Variants in KDM3A observed in about 807,000 individuals in gnomAD.
The protein encoded by KDM3A is lysine demethylase 3A, also known as lysine-specific demethylase 3A.
Under a neutral mutation model 158.0 loss-of-function variants are expected in KDM3A, and 60 were observed. The ratio of observed to expected loss-of-function variants is 0.38; its 90% CI spans 0.31 to 0.47. KDM3A has a LOEUF of 0.47. Among genes scored for constraint, KDM3A ranks in the 20% least tolerant of loss-of-function variants. The pLI, the probability that KDM3A is intolerant of heterozygous loss-of-function variation, is 0.99. For missense variants in KDM3A, 1,319 were observed against 1,574.3 expected (o/e 0.84, Z 2.74); for synonymous variants, 608 against 549.3 (o/e 1.11, Z -1.49).
In KDM3A at chr2:86,466,707, A is replaced by C. The variant is rs1673169036; in HGVS notation, c.1343A>C (p.Asp448Ala). 4 of 1,613,824 alleles carry C rather than the reference A, an allele frequency of 2.5e-6. No homozygotes were observed. In the African/African-American group the frequency reaches 4.0e-5, roughly 16 times the overall value. The part of the protein sequence containing the change: ...KHLEHAPSPS[D>A]VSNAPEVKAG... ...CTAGAACATGCACCTTCCCCATCGGATGTTTCAAATGCACCAGAAGTGAAA... is the reference window on the plus strand; with the variant it reads ...CTAGAACATGCACCTTCCCCATCGGCTGTTTCAAATGCACCAGAAGTGAAA... The change falls in exon 10 of 26, where the codon GAT becomes GCT. Residue 448 changes from aspartate to alanine, a missense_variant. Physicochemically the swap from Asp to Ala is moderately radical, Grantham distance 126. Coordinates refer to ENST00000312912, the MANE Select transcript of KDM3A (RefSeq NM_018433.6).
intron 8 of KDM3A, among the ~76,000 whole-genome samples, chr2:86,459,976 A>G (rs1052727780): frequency 1.3e-5 from 2 of 152,232 alleles, no homozygotes; most frequent in South Asian, 4.1e-4. Flanking sequence ...GTCATTCTAA[A>G]GGAAGTCGAA....
intron 11 of KDM3A, among the ~76,000 whole-genome samples, chr2:86,470,629 ACTT>A (rs1448958124): frequency 6.6e-6 from 1 of 152,132 alleles, no homozygotes; most frequent in Non-Finnish European, 1.5e-5. Flanking sequence ...AAAAATATAA[ACTT>A]CTATTTCAAA....
In KDM3A at chr2:86,456,416, ATTTTTTTTTTT is replaced by A; in HGVS notation, c.557-14_557-4del. ...GGGAGATAATGCAAATTGCTCTAAG[ATTTTTTTTTTT>A]TTTTTTTTTTTAAGGTGACAAAAAC... On this transcript the variant is annotated splice_polypyrimidine_tract_variant and intron_variant, in intron 5 of 25. Coordinates refer to ENST00000312912, the MANE Select transcript of KDM3A (RefSeq NM_018433.6). 2.8e-6 allele frequency: 3 copies of A among 1,057,628 alleles called. No individual in the cohort carries two copies. Among genetic ancestry groups the A allele is most frequent in the Non-Finnish European group, 3.7e-6 (3 of 805,362 alleles). The allele number at this position is 1,057,628 out of a possible 1,614,324, so 65.5% of individuals were successfully genotyped here. A position where few individuals can be genotyped will look rare whatever the true frequency, so the allele number is the denominator to read the frequency against.
chr2:86,453,557 C>A (rs1456720663), intron 4 of KDM3A, among the ~76,000 whole-genome samples: 5 of 152,180 alleles, frequency 3.3e-5, no homozygotes, highest in Admixed American at 2.6e-4. Context: ...CTCTCCTAGG[C>A]AGCCTAATAT....
chr2:86,476,063 TAAGTC>T (rs1573192607), intron 12 of KDM3A, among the ~76,000 whole-genome samples: 3 of 152,278 alleles, frequency 2.0e-5, no homozygotes, highest in East Asian at 3.9e-4. Flanking sequence ...GTGGAGACTC[TAAGTC>T]AAGAGTCTTA....
chr2:86,491,326 T>C (rs1470233853), intron 25 of KDM3A, 51 bp downstream of exon 25: 5 of 1,572,930 alleles, frequency 3.2e-6, no homozygotes, highest in Admixed American at 3.3e-5. Flanking sequence ...TATGGCTTCA[T>C]GGCCCATTCT....
chr2:86,492,171 C>G lies in KDM3A; in HGVS notation c.*52C>G. 1 of 1,351,656 alleles carries G rather than the reference C, an allele frequency of 7.4e-7. No individual in the cohort carries two copies. Among genetic ancestry groups the G allele is most frequent in the Non-Finnish European group, 1.1e-6 (1 of 946,234 alleles). The allele number at this position is 1,351,656 out of a possible 1,614,324, so 83.7% of individuals were successfully genotyped here. A position where few individuals can be genotyped will look rare whatever the true frequency, so the allele number is the denominator to read the frequency against. Reference sequence around the variant, plus strand: ...CAGGCAGCTGTTCAAACTCTTCAGGCAGGATTCCTGTGGACTTTGAGATTC... The same window carrying G: ...CAGGCAGCTGTTCAAACTCTTCAGGGAGGATTCCTGTGGACTTTGAGATTC... On this transcript the variant is annotated 3_prime_UTR_variant, in exon 26 of 26. Transcript: ENST00000312912.
In KDM3A at chr2:86,466,492, A is replaced by G; in HGVS notation, c.1128A>G (p.Gly376=). The G allele has an allele frequency of 6.2e-7, 1 of 1,613,954 alleles. No individual in the cohort carries two copies. Among genetic ancestry groups the G allele is most frequent in the Non-Finnish European group, 8.5e-7 (1 of 1,179,858 alleles). ...AGLLSKSSQI[G]TGDLKILTEP... ...TGCTCTCAAAGTCCTCTCAGATTGG[A>G]ACTGGAGACTTGAAAATTCTGACTG... is the stretch of plus-strand genomic sequence containing the variant. Residue 376 remains glycine, a synonymous_variant, in exon 10 of 26, where the codon GGA becomes GGG. Transcript: ENST00000312912.
chr2:86,470,286 T>G lies in KDM3A; in HGVS notation c.1602T>G (p.Asp534Glu). 1 of 1,614,128 alleles carries G rather than the reference T, an allele frequency of 6.2e-7. No individual in the cohort carries two copies. Among genetic ancestry groups the G allele is most frequent in the Non-Finnish European group, 8.5e-7 (1 of 1,179,996 alleles). Residue 534 changes from aspartate to glutamate, a missense_variant, in exon 11 of 26, where the codon GAT becomes GAG. Around this residue, in one of 4 missense-constraint regions of KDM3A, gnomAD observed 652 missense variants for 627.2 expected, o/e 1.04. Transcript: ENST00000312912. ...GTGGCGAGGCCTTCGTACAGGATGA[T>G]TCTTGTGTGAACATCGTGGCACAGT... ...QQSGEAFVQD[D>E]SCVNIVAQLP...
Position 86,466,694 on chromosome 2 carries a change from C to T in KDM3A, c.1330C>T (p.Pro444Ser). The change falls in exon 10 of 26, where the codon CCT becomes TCT. Residue 444 changes from proline (P) to serine (S), a missense_variant. Coordinates refer to ENST00000312912, the MANE Select transcript of KDM3A (RefSeq NM_018433.6). ...PELQKHLEHAPSPSDVSNAPE... is the reference protein window; with the variant it reads ...PELQKHLEHASSPSDVSNAPE... ...ACTGCAGAAGCACCTAGAACATGCACCTTCCCCATCGGATGTTTCAAATGC... is the reference window on the plus strand; with the variant it reads ...ACTGCAGAAGCACCTAGAACATGCATCTTCCCCATCGGATGTTTCAAATGC... 1 of 1,613,902 alleles carries T rather than the reference C, an allele frequency of 6.2e-7. No individual in the cohort carries two copies. Among genetic ancestry groups the T allele is most frequent in the Non-Finnish European group, 8.5e-7 (1 of 1,179,854 alleles).
At chr2:86,479,585 A>AT (rs11413436) in intron 15 of KDM3A, 58,226 of 151,750 alleles carry the variant, frequency 0.38, 13,128 homozygotes, top group East Asian at 0.81. Flanking sequence ...GGGTTTGAAT[A>AT]TTTTTTTTCC....
intron 8 of KDM3A, among the ~76,000 whole-genome samples, chr2:86,460,278 T>C (rs1672874420): frequency 6.6e-6 from 1 of 152,346 alleles, no homozygotes; most frequent in East Asian, 1.9e-4. Context: ...CTTGATTCCC[T>C]TGCAATGTAT....
At chr2:86,455,287 C>G (rs1048165011) in intron 5 of KDM3A, 100 bp downstream of exon 5, 11 of 603,664 alleles carry the variant, frequency 1.8e-5, no homozygotes, top group Admixed American at 1.1e-4. Flanking sequence ...ATGGAAATTT[C>G]TTTTTTCTTT....
At chr2:86,444,277 T>G (rs1006709908) in intron 2 of KDM3A, among the ~76,000 whole-genome samples, 2 of 152,222 alleles carry the variant, frequency 1.3e-5, no homozygotes, top group Non-Finnish European at 2.9e-5. Context: ...CACTGCACTT[T>G]GGTGCCTAAC....
At chr2:86,439,831 T>C (rs929071008), upstream of KDM3A, among the ~76,000 whole-genome samples, 3 of 152,176 alleles carry the variant, frequency 2.0e-5, no homozygotes, top group Admixed American at 6.5e-5. Flanking sequence ...TTGATACTTT[T>C]AATTGTATTA....
rs1025016369 is a variant in KDM3A at position 86,477,746 on chromosome 2, T to G, written c.1940-131T>G. 3.8e-6 allele frequency: 3 copies of G among 796,780 alleles called. No homozygotes were observed. The African/African-American group carries it at 5.2e-5, about 14-fold the overall frequency. 49.4% of individuals were successfully genotyped at this position (796,780 alleles called of 1,614,324 possible). ...CACTTCATGGGGTGGAGGACAGCAT[T>G]TGCAATGAAGCCTGAACAAAGTTAA... On this transcript the variant is annotated intron_variant, in intron 12 of 25. Transcript: ENST00000312912.
intron 22 of KDM3A, 25 bp downstream of exon 22, chr2:86,489,462 G>A (rs774184059): frequency 6.2e-7 from 1 of 1,612,672 alleles, no homozygotes; most frequent in Non-Finnish European, 8.5e-7. Context: ...ATAAAAGGAG[G>A]GCTTACTCTT....
chr2:86,450,410 C>T (rs1415915990), intron 3 of KDM3A, among the ~76,000 whole-genome samples: 1 of 152,212 alleles, frequency 6.6e-6, no homozygotes, highest in East Asian at 1.9e-4. Context: ...TTGCCTTGCT[C>T]TCTGTAGGGT....
intron 2 of KDM3A, among the ~76,000 whole-genome samples, 188 bp from the exon 3 acceptor site, chr2:86,449,619 A>G (rs1181578190): frequency 2.0e-5 from 3 of 152,192 alleles, no homozygotes; most frequent in African/African-American, 4.8e-5. Flanking sequence ...GTTGGGAGCC[A>G]AAGCCTGGTT....
Sources: gnomAD v4.1 joint callset for allele counts (sites outside exome capture counted in the v4.1 genomes callset) on GRCh38, gnomAD v4.1.1 for gene constraint, gnomAD v4.1.1 regional missense constraint, MANE v1.5 for transcripts, NCBI Gene and HGNC (gene_info 2026-07-23, HGNC 2026-07-21) for gene names.